H3Y1: variants seen among roughly 807,000 people sequenced by gnomAD.
The protein encoded by H3Y1 is H3.Y histone 1.
In H3Y1, 1 loss-of-function variant was observed where a neutral mutation model predicts 0.5. The ratio of observed to expected loss-of-function variants is 2.08; its 90% CI spans 0.74 to 9.87. H3Y1 has a LOEUF of 9.87. Among genes scored for constraint, H3Y1 ranks in the 30% most tolerant of loss-of-function variants. The pLI is 0.13. For missense variants in H3Y1, 35 were observed against 11.5 expected (o/e 3.05, Z -2.96); for synonymous variants, 9 against 5.0 (o/e 1.80, Z -1.07).
chr5:17,655,279 C>T lies in H3Y1; in HGVS notation c.260G>A (p.Ser87Asn), dbSNP rs371722816. Reference protein sequence around the residue: ...QAISPDLRFQSAAIGALQEAS... With the variant: ...QAISPDLRFQNAAIGALQEAS... The stretch of plus-strand genomic sequence containing the variant: ...CTCCTGCAGGGCGCCAATGGCCGCA[C>T]TCTGGAAGCGCAGGTCCGGGCTGAT... The change falls in exon 1 of 1, where the codon AGT becomes AAT. Residue 87 changes from serine to asparagine, a missense_variant. Coordinates refer to ENST00000598383, the MANE Select transcript of H3Y1 (RefSeq NM_001355258.2). 271 of 472,436 alleles carry T rather than the reference C, an allele frequency of 5.7e-4. 1 individual carries two copies. In the Middle Eastern group the frequency reaches 6.0e-3, roughly 11 times the overall value. 29.3% of individuals were successfully genotyped at this position (472,436 alleles called of 1,614,324 possible).
In H3Y1 at chr5:17,655,756, A is replaced by C. The variant is rs1740181343; in HGVS notation, c.-218T>G. The C allele has an allele frequency of 5.1e-6, 2 of 394,662 alleles. No homozygotes were observed. Among genetic ancestry groups the C allele is most frequent in the Non-Finnish European group, 8.9e-6 (2 of 224,442 alleles). The allele number at this position is 394,662 out of a possible 1,614,324, so 24.4% of individuals were successfully genotyped here. A position where few individuals can be genotyped will look rare whatever the true frequency, so the allele number is the denominator to read the frequency against. ...CTGTGGGTCGGAGGCCGCGCTGCTT[A>C]GTCTTTCCGGAGGGTCCTGGGTTTC... is the stretch of plus-strand genomic sequence containing the variant. On this transcript the variant is annotated 5_prime_UTR_variant, in exon 1 of 1. Transcript: ENST00000598383.
chr5:17,655,151 G>C lies in H3Y1; in HGVS notation c.388C>G (p.Arg130Gly), dbSNP rs371480730. The change falls in exon 1 of 1, where the codon CGC becomes GGC. Residue 130 changes from arginine to glycine, a missense_variant. Transcript: ENST00000598383. ...TCTTAAGGACCCTCTCTGCGGAGGC[G>C]GCGGGCCAGCTGCATGTCTCGGGGC... The part of the protein sequence containing the change: ...IMPRDMQLAR[R>G]LRREGP 2 of 429,932 alleles carry C rather than the reference G, an allele frequency of 4.7e-6. No homozygotes were observed. The highest frequency in any genetic ancestry group is 4.3e-5 in the Admixed American group (1 of 23,200). 26.6% of individuals were successfully genotyped at this position (429,932 alleles called of 1,614,324 possible).
In H3Y1 at chr5:17,655,656, T is replaced by G; in HGVS notation, c.-118A>C. ...GGACAGGATTCAGAGAGCCTGTGAGTTGAGATCCATGCGCATGACTCTCCC... is the reference window on the plus strand; with the variant it reads ...GGACAGGATTCAGAGAGCCTGTGAGGTGAGATCCATGCGCATGACTCTCCC... On this transcript the variant is annotated 5_prime_UTR_variant, in exon 1 of 1. Coordinates refer to ENST00000598383, the MANE Select transcript of H3Y1 (RefSeq NM_001355258.2). The G allele has an allele frequency of 2.5e-6, 1 of 398,210 alleles. No individual in the cohort carries two copies. The highest frequency in any genetic ancestry group is 3.6e-5 in the East Asian group (1 of 28,036). The allele number at this position is 398,210 out of a possible 1,614,324, so 24.7% of individuals were successfully genotyped here.
In H3Y1 at chr5:17,655,561, C is replaced by G. The variant is rs896761215; in HGVS notation, c.-23G>C. On this transcript the variant is annotated 5_prime_UTR_variant, in exon 1 of 1. Coordinates refer to ENST00000598383, the MANE Select transcript of H3Y1 (RefSeq NM_001355258.2). ...CATGTCGCGGGGCCTTAGCCTCTCCCCTGTCCTTGGGCTGAGCCTGGCCGG... is the reference window on the plus strand; with the variant it reads ...CATGTCGCGGGGCCTTAGCCTCTCCGCTGTCCTTGGGCTGAGCCTGGCCGG... 20 of 401,710 alleles carry G rather than the reference C, an allele frequency of 5.0e-5. No individual in the cohort carries two copies. Among genetic ancestry groups the G allele is most frequent in the African/African-American group, 1.0e-4 (5 of 48,530 alleles). The allele number at this position is 401,710 out of a possible 1,614,324, so 24.9% of individuals were successfully genotyped here.
rs981256574 is a variant in H3Y1, at chr5:17,655,526, T to C, written c.13A>G (p.Lys5Glu). 2.4e-6 allele frequency: 1 copy of C among 410,088 alleles called. No homozygotes were observed. Among genetic ancestry groups the C allele is most frequent in the Non-Finnish European group, 4.3e-6 (1 of 233,910 alleles). 25.4% of individuals were successfully genotyped at this position (410,088 alleles called of 1,614,324 possible). The part of the protein sequence containing the change: MART[K>E]QTARKATAWQ... ...GCGGTGGCTTTGCGGGCGGTCTGCT[T>C]GGTGCGCGCCATGTCGCGGGGCCTT... Residue 5 changes from lysine to glutamate, a missense_variant, in exon 1 of 1, where the codon AAG (lysine) becomes GAG (glutamate). Lys to Glu is a moderately conservative substitution (Grantham distance 56). Coordinates refer to ENST00000598383, the MANE Select transcript of H3Y1 (RefSeq NM_001355258.2).
In H3Y1 at chr5:17,655,254, C is replaced by T. The variant is rs1332963824; in HGVS notation, c.285G>A (p.Glu95=). ...GCTGCACCAGGTAGGCCTCGCTGGC[C>T]TCCTGCAGGGCGCCAATGGCCGCAC... ...FQSAAIGALQ[E]ASEAYLVQLF... The change falls in exon 1 of 1, where the codon GAG becomes GAA. Residue 95 remains glutamate (E), a synonymous_variant. Coordinates refer to ENST00000598383, the MANE Select transcript of H3Y1 (RefSeq NM_001355258.2). 5 of 470,718 alleles carry T rather than the reference C, an allele frequency of 1.1e-5. No individual in the cohort carries two copies. Among genetic ancestry groups the T allele is most frequent in the Non-Finnish European group, 1.9e-5 (5 of 262,878 alleles). 29.2% of individuals were successfully genotyped at this position (470,718 alleles called of 1,614,324 possible).
Position 17,655,297 on chromosome 5 carries a change from G to T in H3Y1, c.242C>A (p.Pro81Gln), listed in dbSNP as rs1346217766. 1.3e-5 allele frequency: 6 copies of T among 471,140 alleles called. No individual in the cohort carries two copies. The East Asian group carries it at 2.0e-4, about 16-fold the overall frequency. 29.2% of individuals were successfully genotyped at this position (471,140 alleles called of 1,614,324 possible). A position where few individuals can be genotyped will look rare whatever the true frequency, so the allele number is the denominator to read the frequency against. ...GGCCGCACTCTGGAAGCGCAGGTCC[G>T]GGCTGATGGCCTGGGCGATCTCGCG... The part of the protein sequence containing the change: ...LVREIAQAIS[P>Q]DLRFQSAAIG... The change falls in exon 1 of 1, where the codon CCG (proline) becomes CAG (glutamine). Residue 81 changes from proline (P) to glutamine (Q), a missense_variant. By Grantham distance (76) the Pro-to-Gln change is moderately conservative. Coordinates refer to ENST00000598383, the MANE Select transcript of H3Y1 (RefSeq NM_001355258.2).
chr5:17,655,611 A>G lies in H3Y1; in HGVS notation c.-73T>C. 2.5e-6 allele frequency: 1 copy of G among 401,196 alleles called. No individual in the cohort carries two copies. The highest frequency in any genetic ancestry group is 4.4e-6 in the Non-Finnish European group (1 of 228,340). 24.9% of individuals were successfully genotyped at this position (401,196 alleles called of 1,614,324 possible). A position where few individuals can be genotyped will look rare whatever the true frequency, so the allele number is the denominator to read the frequency against. On this transcript the variant is annotated 5_prime_UTR_variant, in exon 1 of 1. Transcript: ENST00000598383. ...GCTGCAGGCGGTGCTGGCGTCAGAG[A>G]GCGAGGGCAGTGGTGCTGTGGACAG...
At position 17,655,060 on chromosome 5, in the gene H3Y1, A is replaced by C; in HGVS notation, c.*68T>G. 2.5e-6 allele frequency: 1 copy of C among 400,558 alleles called. No homozygotes were observed. The highest frequency in any genetic ancestry group is 4.4e-6 in the Non-Finnish European group (1 of 227,322). The allele number at this position is 400,558 out of a possible 1,614,324, so 24.8% of individuals were successfully genotyped here. ...GACATTAACAAACAAAAGCACACAG[A>C]AACACCACCAAGACCTGATTTCTGC... On this transcript the variant is annotated 3_prime_UTR_variant, in exon 1 of 1. Coordinates refer to ENST00000598383, the MANE Select transcript of H3Y1 (RefSeq NM_001355258.2).
rs1019104389 is a variant in H3Y1 at position 17,655,585 on chromosome 5, G to T, written c.-47C>A. ...CCCTGTCCTTGGGCTGAGCCTGGCC[G>T]GCTGCAGGCGGTGCTGGCGTCAGAG... is the stretch of plus-strand genomic sequence containing the variant. On this transcript the variant is annotated 5_prime_UTR_variant, in exon 1 of 1. Coordinates refer to ENST00000598383, the MANE Select transcript of H3Y1 (RefSeq NM_001355258.2). 14 of 400,882 alleles carry T rather than the reference G, an allele frequency of 3.5e-5. No homozygotes were observed. Among genetic ancestry groups the T allele is most frequent in the Non-Finnish European group, 5.7e-5 (13 of 227,992 alleles). The allele number at this position is 400,882 out of a possible 1,614,324, so 24.8% of individuals were successfully genotyped here.
Position 17,655,275 on chromosome 5 carries a change from C to A in H3Y1, c.264G>T (p.Ala88=), listed in dbSNP as rs1243199953. Residue 88 remains alanine (A), a synonymous_variant, in exon 1 of 1, where the codon GCG becomes GCT. Transcript: ENST00000598383. ...TGGCCTCCTGCAGGGCGCCAATGGCCGCACTCTGGAAGCGCAGGTCCGGGC... is the reference window on the plus strand; with the variant it reads ...TGGCCTCCTGCAGGGCGCCAATGGCAGCACTCTGGAAGCGCAGGTCCGGGC... ...AISPDLRFQS[A]AIGALQEASE... 8.5e-5 allele frequency: 40 copies of A among 472,014 alleles called. No individual in the cohort carries two copies. Among genetic ancestry groups the A allele is most frequent in the Non-Finnish European group, 1.1e-4 (30 of 263,554 alleles). 29.2% of individuals were successfully genotyped at this position (472,014 alleles called of 1,614,324 possible). A position where few individuals can be genotyped will look rare whatever the true frequency, so the allele number is the denominator to read the frequency against.
At position 17,655,109 on chromosome 5, in the gene H3Y1, CT is replaced by C; in HGVS notation, c.*18del. The stretch of plus-strand genomic sequence containing the variant: ...GCCTGTTTCCACTCCCAATCCTATG[CT>C]TAGCTACCTTTGGGCTCTTAAGGAC... On this transcript the variant is annotated 3_prime_UTR_variant, in exon 1 of 1. Coordinates refer to ENST00000598383, the MANE Select transcript of H3Y1 (RefSeq NM_001355258.2). 4.9e-6 allele frequency: 2 copies of C among 405,674 alleles called. No individual in the cohort carries two copies. The highest frequency in any genetic ancestry group is 4.4e-6 in the Non-Finnish European group (1 of 229,632). 25.1% of individuals were successfully genotyped at this position (405,674 alleles called of 1,614,324 possible).
Position 17,655,616 on chromosome 5 carries a change from G to C in H3Y1, c.-78C>G. On this transcript the variant is annotated 5_prime_UTR_variant, in exon 1 of 1. Coordinates refer to ENST00000598383, the MANE Select transcript of H3Y1 (RefSeq NM_001355258.2). ...AGGCGGTGCTGGCGTCAGAGAGCGAGGGCAGTGGTGCTGTGGACAGGATTC... is the reference window on the plus strand; with the variant it reads ...AGGCGGTGCTGGCGTCAGAGAGCGACGGCAGTGGTGCTGTGGACAGGATTC... 1 of 401,242 alleles carries C rather than the reference G, an allele frequency of 2.5e-6. No homozygotes were observed. The allele number at this position is 401,242 out of a possible 1,614,324, so 24.9% of individuals were successfully genotyped here. A position where few individuals can be genotyped will look rare whatever the true frequency, so the allele number is the denominator to read the frequency against.
At position 17,655,801 on chromosome 5, in the gene H3Y1, G is replaced by A; in HGVS notation, c.-263C>T. ...GGTTTCCTTGGTCTACAAAGCAGCA[G>A]CCAGGAATCTCCCTCGCAGGCAGTC... On this transcript the variant is annotated 5_prime_UTR_variant, in exon 1 of 1. Coordinates refer to ENST00000598383, the MANE Select transcript of H3Y1 (RefSeq NM_001355258.2). 2.6e-6 allele frequency: 1 copy of A among 378,734 alleles called. No homozygotes were observed. 23.5% of individuals were successfully genotyped at this position (378,734 alleles called of 1,614,324 possible). A position where few individuals can be genotyped will look rare whatever the true frequency, so the allele number is the denominator to read the frequency against.
Position 17,655,618 on chromosome 5 carries a change from G to A in H3Y1, c.-80C>T, listed in dbSNP as rs1029135548. The A allele has an allele frequency of 1.2e-5, 5 of 400,970 alleles. No individual in the cohort carries two copies. Among genetic ancestry groups the A allele is most frequent in the African/African-American group, 1.0e-4 (5 of 48,532 alleles). The allele number at this position is 400,970 out of a possible 1,614,324, so 24.8% of individuals were successfully genotyped here. A position where few individuals can be genotyped will look rare whatever the true frequency, so the allele number is the denominator to read the frequency against. On this transcript the variant is annotated 5_prime_UTR_variant, in exon 1 of 1. Coordinates refer to ENST00000598383, the MANE Select transcript of H3Y1 (RefSeq NM_001355258.2). ...GCGGTGCTGGCGTCAGAGAGCGAGGGCAGTGGTGCTGTGGACAGGATTCAG... is the reference window on the plus strand; with the variant it reads ...GCGGTGCTGGCGTCAGAGAGCGAGGACAGTGGTGCTGTGGACAGGATTCAG...
chr5:17,655,265 C>T lies in H3Y1; in HGVS notation c.274G>A (p.Ala92Thr), dbSNP rs539278588. ...TAGGCCTCGCTGGCCTCCTGCAGGG[C>T]GCCAATGGCCGCACTCTGGAAGCGC... ...DLRFQSAAIG[A>T]LQEASEAYLV... The change falls in exon 1 of 1, where the codon GCC (alanine) becomes ACC (threonine). Residue 92 changes from alanine (A) to threonine (T), a missense_variant. Coordinates refer to ENST00000598383, the MANE Select transcript of H3Y1 (RefSeq NM_001355258.2). The T allele has an allele frequency of 2.1e-6, 1 of 468,188 alleles. No individual in the cohort carries two copies. Among genetic ancestry groups the T allele is most frequent in the Non-Finnish European group, 3.8e-6 (1 of 261,520 alleles). The allele number at this position is 468,188 out of a possible 1,614,324, so 29.0% of individuals were successfully genotyped here.
In H3Y1 at chr5:17,655,491, G is replaced by C. The variant is rs1579637811; in HGVS notation, c.48C>G (p.Ala16=). 1 of 407,874 alleles carries C rather than the reference G, an allele frequency of 2.5e-6. No individual in the cohort carries two copies. The highest frequency in any genetic ancestry group is 3.6e-5 in the East Asian group (1 of 28,156). 25.3% of individuals were successfully genotyped at this position (407,874 alleles called of 1,614,324 possible). ...QTARKATAWQ[A]PRKPLATKAA... ...CTTTGGTGGCCAGGGGCTTCCTGGG[G>C]GCCTGCCAGGCGGTGGCTTTGCGGG... is the stretch of plus-strand genomic sequence containing the variant. The change falls in exon 1 of 1, where the codon GCC becomes GCG. Residue 16 remains alanine, a synonymous_variant. Transcript: ENST00000598383.
Position 17,655,076 on chromosome 5 carries a change from T to G in H3Y1, c.*52A>C, listed in dbSNP as rs1380207319. 5.0e-6 allele frequency: 2 copies of G among 400,488 alleles called. No individual in the cohort carries two copies. Among genetic ancestry groups the G allele is most frequent in the Non-Finnish European group, 8.8e-6 (2 of 227,252 alleles). The allele number at this position is 400,488 out of a possible 1,614,324, so 24.8% of individuals were successfully genotyped here. On this transcript the variant is annotated 3_prime_UTR_variant, in exon 1 of 1. Transcript: ENST00000598383. The stretch of plus-strand genomic sequence containing the variant: ...AGCACACAGAAACACCACCAAGACC[T>G]GATTTCTGCCTGTTTCCACTCCCAA...
Position 17,655,264 on chromosome 5 carries a change from G to C in H3Y1, c.275C>G (p.Ala92Gly). The C allele has an allele frequency of 2.1e-6, 1 of 471,330 alleles. No individual in the cohort carries two copies. The highest frequency in any genetic ancestry group is 4.5e-5 in the South Asian group (1 of 22,104). 29.2% of individuals were successfully genotyped at this position (471,330 alleles called of 1,614,324 possible). Residue 92 changes from alanine (A) to glycine (G), a missense_variant, in exon 1 of 1, where the codon GCC (alanine) becomes GGC (glycine). Ala to Gly is a moderately conservative substitution (Grantham distance 60). Transcript: ENST00000598383. ...GTAGGCCTCGCTGGCCTCCTGCAGG[G>C]CGCCAATGGCCGCACTCTGGAAGCG... ...DLRFQSAAIG[A>G]LQEASEAYLV...
Sources: gnomAD v4.1 joint callset for allele counts on GRCh38, gnomAD v4.1.1 for gene constraint, MANE v1.5 for transcripts, NCBI Gene and HGNC (gene_info 2026-07-23, HGNC 2026-07-21) for gene names.